PRKD1: variants seen among roughly 807,000 people sequenced by gnomAD.
PRKD1 encodes protein kinase D1.
Under a neutral mutation model 95.9 loss-of-function variants are expected in PRKD1, and 63 were observed. That is an observed-to-expected ratio of 0.66 (90% CI 0.54 to 0.81). The LOEUF (loss-of-function observed/expected upper bound fraction) is 0.81, where lower values mean the gene tolerates loss of function less well. Ranked by LOEUF, PRKD1 falls within the 30% of genes least tolerant of loss-of-function variation. PRKD1 has a pLI of 0.00. For missense variants in PRKD1, 1,048 were observed against 1,165.3 expected, an observed-to-expected ratio of 0.90 and a Z score of 1.47; for synonymous variants, 425 against 423.1, an observed-to-expected ratio of 1.00 and a Z score of -0.05.
chr14:29,734,688 A>T lies in PRKD1; in HGVS notation c.265-9014T>A, dbSNP rs960722069. ...AGTGGTCATTTCACAGCTTACCAAC[A>T]ACTGCTCTTTCTCCTGCTTTAGAGT... On this transcript the variant is annotated intron_variant, in intron 1 of 17. Transcript: ENST00000331968. 7.9e-5 allele frequency among the ~76,000 whole-genome samples: 12 copies of T among 152,304 alleles called. 1 individual carries two copies. The South Asian group carries it at 2.5e-3, about 32-fold the overall frequency.
intron 1 of PRKD1, among the ~76,000 whole-genome samples, chr14:29,762,629 G>A (rs1288022438): frequency 1.3e-5 from 2 of 152,122 alleles, no homozygotes; most frequent in African/African-American, 2.4e-5. Flanking sequence ...TCATATTTAC[G>A]TGACAATATT....
At chr14:29,918,335 A>T (rs1894964354) in intron 1 of PRKD1, among the ~76,000 whole-genome samples, 1 of 152,294 alleles carries the variant, frequency 6.6e-6, no homozygotes, top group East Asian at 1.9e-4. Context: ...TAATTCAAAC[A>T]GTCAGAACTA....
At chr14:29,641,525 G>C (rs1880765363) in intron 4 of PRKD1, among the ~76,000 whole-genome samples, 1 of 152,158 alleles carries the variant, frequency 6.6e-6, no homozygotes, top group Non-Finnish European at 1.5e-5. Context: ...TGAACACCTT[G>C]GGAAAGCGAG....
intron 13 of PRKD1, 24 bp from the exon 14 acceptor site, chr14:29,599,841 T>C (rs1347000389): frequency 6.3e-7 from 1 of 1,589,312 alleles, no homozygotes. Context: ...ATAAAGCACT[T>C]GAAGAAAATG....
At chr14:29,598,954 G>C (rs1335024590) in intron 15 of PRKD1, 73 bp downstream of exon 15, 6 of 1,213,424 alleles carry the variant, frequency 4.9e-6, no homozygotes, top group Non-Finnish European at 4.8e-6. Flanking sequence ...AAAAATGGAA[G>C]GTGACAAGAT....
At chr14:29,790,658 T>A (rs1240341679) in intron 1 of PRKD1, among the ~76,000 whole-genome samples, 2 of 152,310 alleles carry the variant, frequency 1.3e-5, no homozygotes, top group South Asian at 4.1e-4. Flanking sequence ...AAACTATACA[T>A]CCTTCTAAAG....
At chr14:29,703,382 T>G (rs1884931882) in intron 2 of PRKD1, among the ~76,000 whole-genome samples, 2 of 152,240 alleles carry the variant, frequency 1.3e-5, no homozygotes, top group Non-Finnish European at 2.9e-5. Context: ...GTAGGCAGAC[T>G]GTGTCTGGTG....
At chr14:29,783,481 A>C (rs1201504142) in intron 1 of PRKD1, among the ~76,000 whole-genome samples, 1 of 152,226 alleles carries the variant, frequency 6.6e-6, no homozygotes, top group Non-Finnish European at 1.5e-5. Flanking sequence ...CCTTTGATAT[A>C]CTGATTTCCT....
intron 1 of PRKD1, among the ~76,000 whole-genome samples, chr14:29,738,068 A>G (rs1055738737): frequency 1.3e-5 from 2 of 152,242 alleles, no homozygotes; most frequent in African/African-American, 4.8e-5. Context: ...TAGAAACCAC[A>G]TTATAAAGTA....
intron 4 of PRKD1, among the ~76,000 whole-genome samples, chr14:29,643,758 G>T (rs1384601968): frequency 6.6e-6 from 1 of 152,176 alleles, no homozygotes; most frequent in African/African-American, 2.4e-5. Flanking sequence ...CTTGTGGTTT[G>T]TTTATTGTCA....
rs1040292133 is a variant in PRKD1 at position 29,577,018 on chromosome 14, T to C, written c.*220A>G. 5 of 580,676 alleles carry C rather than the reference T, an allele frequency of 8.6e-6. No homozygotes were observed. In the African/African-American group the frequency reaches 9.3e-5, roughly 11 times the overall value. 36.0% of individuals were successfully genotyped at this position (580,676 alleles called of 1,614,324 possible). A position where few individuals can be genotyped will look rare whatever the true frequency, so the allele number is the denominator to read the frequency against. On this transcript the variant is annotated 3_prime_UTR_variant, in exon 18 of 18. Coordinates refer to ENST00000331968, the MANE Select transcript of PRKD1 (RefSeq NM_002742.3). ...ATCATTCACAATAACAAGTTTCGTG[T>C]TTCAGGGAACTTTTGTTAATACAAC...
At chr14:29,748,435 C>T (rs528549379) in intron 1 of PRKD1, among the ~76,000 whole-genome samples, 2 of 152,240 alleles carry the variant, frequency 1.3e-5, no homozygotes, top group East Asian at 3.9e-4. Context: ...ATCATTTCCA[C>T]GACTGAAACA....
intron 1 of PRKD1, among the ~76,000 whole-genome samples, chr14:29,795,988 T>C (rs189105224): frequency 6.6e-6 from 1 of 152,284 alleles, no homozygotes; most frequent in East Asian, 1.9e-4. Context: ...GTATTTCTTC[T>C]TTAGTTATAA....
At chr14:29,589,958 T>C (rs1218489537) in intron 16 of PRKD1, among the ~76,000 whole-genome samples, 2 of 152,224 alleles carry the variant, frequency 1.3e-5, no homozygotes, top group African/African-American at 4.8e-5. Context: ...TCTTCTATAC[T>C]TGTTTCATTG....
chr14:29,577,573 C>T (rs1892602198), intron 17 of PRKD1, 117 bp from the exon 18 acceptor site: 1 of 973,200 alleles, frequency 1.0e-6, no homozygotes, highest in Non-Finnish European at 1.6e-6. Flanking sequence ...TCTAACAGCG[C>T]TGAATCTTTC....
At chr14:29,578,826 G>A (rs1892660074) in intron 16 of PRKD1, among the ~76,000 whole-genome samples, 2 of 152,080 alleles carry the variant, frequency 1.3e-5, no homozygotes, top group South Asian at 2.1e-4. Context: ...ACAGATATCT[G>A]AACATCATAT....
At chr14:29,682,274 G>A (rs192265888) in intron 2 of PRKD1, among the ~76,000 whole-genome samples, 16 of 152,268 alleles carry the variant, frequency 1.1e-4, no homozygotes, top group African/African-American at 3.6e-4. Context: ...CTTAGCATCA[G>A]TTACAGTGGG....
At chr14:29,714,525 TCAA>T (rs1885501110) in intron 2 of PRKD1, among the ~76,000 whole-genome samples, 1 of 152,156 alleles carries the variant, frequency 6.6e-6, no homozygotes, top group Non-Finnish European at 1.5e-5. Context: ...GTAAATTAGT[TCAA>T]CGATTGTGGA....
chr14:29,868,230 G>A (rs1231088125), intron 1 of PRKD1, among the ~76,000 whole-genome samples: 2 of 152,086 alleles, frequency 1.3e-5, no homozygotes, highest in South Asian at 2.1e-4. Flanking sequence ...AAAAACCCAC[G>A]CTGAAATTGT....
Sources: gnomAD v4.1 joint callset for allele counts (sites outside exome capture counted in the v4.1 genomes callset) on GRCh38, gnomAD v4.1.1 for gene constraint, MANE v1.5 for transcripts, NCBI Gene and HGNC (gene_info 2026-07-23, HGNC 2026-07-21) for gene names.